Variants in CPM observed in about 807,000 individuals in gnomAD.
CPM encodes renal carboxypeptidase.
A neutral mutation model predicts 46.4 loss-of-function variants in CPM; 35 were observed. The ratio of observed to expected loss-of-function variants is 0.75; its 90% CI spans 0.58 to 1.00. The LOEUF is 1.00. Among genes scored for constraint, CPM ranks in the 50% least tolerant of loss-of-function variants. The pLI is 0.00. For synonymous variants in CPM, 195 were observed against 195.3 expected, an observed-to-expected ratio of 1.00 and a Z score of 0.01; for missense variants, 422 against 530.4, an observed-to-expected ratio of 0.80 and a Z score of 2.01.
At chr12:68,963,426 T>C (rs76084902), upstream of CPM, 2,181 of 152,474 alleles carry the variant, frequency 0.014, 24 homozygotes, top group Admixed American at 0.025. Flanking sequence ...CATGTACACA[T>C]TAAATGCATT....
At chr12:68,917,859 G>A (rs751781944) in intron 2 of CPM, among the ~76,000 whole-genome samples, 7 of 152,118 alleles carry the variant, frequency 4.6e-5, no homozygotes, top group African/African-American at 1.7e-4. Flanking sequence ...GGGTGGAGGC[G>A]TTTTGCATAT....
At chr12:68,867,831 A>G (rs773243819) in intron 6 of CPM, among the ~76,000 whole-genome samples, 2 of 152,112 alleles carry the variant, frequency 1.3e-5, no homozygotes, top group Non-Finnish European at 1.5e-5. Flanking sequence ...CCTTACTTTC[A>G]AAGGGTTTGT....
intron 2 of CPM, among the ~76,000 whole-genome samples, chr12:68,908,224 C>T (rs1250979299): frequency 6.6e-6 from 1 of 152,182 alleles, no homozygotes; most frequent in Non-Finnish European, 1.5e-5. Context: ...AATCCCTTCT[C>T]TGATTCATTC....
chr12:68,959,070 G>C (rs1889071257), intron 1 of CPM, among the ~76,000 whole-genome samples: 1 of 152,128 alleles, frequency 6.6e-6, no homozygotes, highest in South Asian at 2.1e-4. Context: ...GCACATCTCT[G>C]TCTTATCTTC....
At chr12:68,872,464 G>A (rs1247364909) in intron 3 of CPM, among the ~76,000 whole-genome samples, 1 of 152,116 alleles carries the variant, frequency 6.6e-6, no homozygotes, top group African/African-American at 2.4e-5. Context: ...TGTTGGCCAG[G>A]CTGGTCTTGA....
intron 2 of CPM, among the ~76,000 whole-genome samples, chr12:68,901,461 G>T (rs1887109328): frequency 6.6e-6 from 1 of 152,160 alleles, no homozygotes; most frequent in Non-Finnish European, 1.5e-5. Flanking sequence ...TTAGAAAGGG[G>T]TTAAGAAATT....
chr12:68,868,914 T>G (rs1340299102), intron 6 of CPM, among the ~76,000 whole-genome samples: 2 of 152,276 alleles, frequency 1.3e-5, no homozygotes, highest in East Asian at 3.9e-4. Context: ...TCTTCACTAC[T>G]CCCTATTGTA....
Position 68,871,863 on chromosome 12 carries a change from G to C in CPM, c.352C>G (p.Arg118Gly). 1 of 1,614,098 alleles carries C rather than the reference G, an allele frequency of 6.2e-7. No individual in the cohort carries two copies. Among genetic ancestry groups the C allele is most frequent in the Non-Finnish European group, 8.5e-7 (1 of 1,180,010 alleles). The change falls in exon 4 of 9, where the codon CGG becomes GGG. Residue 118 changes from arginine (R) to glycine (G), a missense_variant. Arg to Gly is a moderately radical substitution (Grantham distance 125, BLOSUM62 -2). Transcript: ENST00000551568. ...PEITNLINST[R>G]IHIMPSMNPD... ...TTCATGGAAGGCATGATGTGTATCC[G>C]GGTACTATTGATCAGATTTGTGATT...
intron 1 of CPM, among the ~76,000 whole-genome samples, chr12:68,940,211 C>T (rs1888739111): frequency 6.6e-6 from 1 of 151,800 alleles, no homozygotes; most frequent in South Asian, 2.1e-4. Context: ...ATACCCTTTT[C>T]CTGCCCTACC....
intron 2 of CPM, among the ~76,000 whole-genome samples, chr12:68,916,324 G>T (rs142593610): frequency 1.3e-3 from 197 of 152,078 alleles, no homozygotes; most frequent in African/African-American, 4.5e-3. Flanking sequence ...TCTGTGCTCT[G>T]TTGAAGGCAA....
At chr12:68,928,322 AG>A (rs1273247517) in intron 2 of CPM, among the ~76,000 whole-genome samples, 1 of 152,254 alleles carries the variant, frequency 6.6e-6, no homozygotes, top group Non-Finnish European at 1.5e-5. Context: ...AGCCATATGT[AG>A]AAAGCTGAAA....
rs577643187 is a variant in CPM at position 68,845,454 on chromosome 12, C to G, written c.534-3125G>C. ...AGCAGATGGGAGGCGTGTTCAGTAA[C>G]TTATTCATAATGCATCTGAAATGAT... On this transcript the variant is annotated intron_variant, in intron 5 of 5. Transcript: ENST00000551897. 5 of 207,840 alleles carry G rather than the reference C, an allele frequency of 2.4e-5. No homozygotes were observed. In the South Asian group the frequency reaches 7.5e-4, roughly 31 times the overall value. The allele number at this position is 207,840 out of a possible 1,614,324, so 12.9% of individuals were successfully genotyped here. A position where few individuals can be genotyped will look rare whatever the true frequency, so the allele number is the denominator to read the frequency against.
chr12:68,865,935 G>A lies in CPM; in HGVS notation c.940+961C>T, dbSNP rs184767770. ...GTCCAAACAGAAACTCCGGGTTGGG[G>A]CCTGGCAATCTGTTTTAGCAAGCGC... On this transcript the variant is annotated intron_variant, in intron 7 of 8. Transcript: ENST00000551568. 2.6e-5 allele frequency among the ~76,000 whole-genome samples: 4 copies of A among 152,140 alleles called. No individual in the cohort carries two copies. The South Asian group carries it at 8.3e-4, about 32-fold the overall frequency.
At chr12:68,885,310 G>A (rs115641538) in intron 3 of CPM, among the ~76,000 whole-genome samples, 2 of 152,340 alleles carry the variant, frequency 1.3e-5, no homozygotes, top group African/African-American at 4.8e-5. Context: ...GAGCACTGAA[G>A]ACAATGAGTG....
rs1885724002 is a variant in CPM, at chr12:68,872,037, A to G, written c.259-81T>C. On this transcript the variant is annotated intron_variant, in intron 3 of 8. Transcript: ENST00000551568. ...CACTCCCTACGGTACAAATTCCCCA[A>G]TAGGGGTCTCTACACATGATATCTC... The G allele has an allele frequency of 1.8e-5, 25 of 1,415,592 alleles. No individual in the cohort carries two copies. The South Asian group carries it at 2.6e-4, about 15-fold the overall frequency. The allele number at this position is 1,415,592 out of a possible 1,614,324, so 87.7% of individuals were successfully genotyped here. A position where few individuals can be genotyped will look rare whatever the true frequency, so the allele number is the denominator to read the frequency against.
chr12:68,885,761 G>T, intron 3 of CPM, 31 bp downstream of exon 3: 2 of 1,565,266 alleles, frequency 1.3e-6, no homozygotes, highest in South Asian at 1.1e-5. Context: ...CTTCTCTGGT[G>T]ACATTTCAGA....
intron 2 of CPM, among the ~76,000 whole-genome samples, chr12:68,925,254 A>C (rs528582406): frequency 6.6e-6 from 1 of 152,222 alleles, no homozygotes; most frequent in African/African-American, 2.4e-5. Context: ...TACTTAAAAC[A>C]GCTTTAGACT....
chr12:68,886,558 G>T (rs11177407), intron 2 of CPM, among the ~76,000 whole-genome samples: 3 of 152,094 alleles, frequency 2.0e-5, no homozygotes, highest in South Asian at 2.1e-4. Flanking sequence ...TGTGAACCCC[G>T]GAGGCGGAGC....
chr12:68,872,641 G>C (rs927329220), intron 3 of CPM, among the ~76,000 whole-genome samples: 8 of 152,108 alleles, frequency 5.3e-5, no homozygotes, highest in Non-Finnish European at 1.2e-4. Flanking sequence ...TTACAGAGAA[G>C]CACAGGAATC....
Sources: allele counts gnomAD v4.1 joint callset (sites outside exome capture counted in the v4.1 genomes callset), GRCh38; gene constraint gnomAD v4.1.1; transcripts MANE v1.5; gene names NCBI Gene and HGNC (gene_info 2026-07-23, HGNC 2026-07-21).